Variants in HSD17B4 observed in about 807,000 individuals in gnomAD.
HSD17B4 encodes peroxisomal multifunctional enzyme type 2.
A neutral mutation model predicts 101.0 loss-of-function variants in HSD17B4; 70 were observed. That is an observed-to-expected ratio of 0.69 (90% CI 0.57 to 0.85). The LOEUF (loss-of-function observed/expected upper bound fraction) is 0.85. Among genes scored for constraint, HSD17B4 ranks in the 40% least tolerant of loss-of-function variants. HSD17B4 has a pLI of 0.00. For synonymous variants in HSD17B4, 347 were observed against 297.1 expected, an observed-to-expected ratio of 1.17 and a Z score of -1.73; for missense variants, 984 against 892.4, an observed-to-expected ratio of 1.10 and a Z score of -1.31.
At chr5:119,482,110 T>C (rs911058936) in intron 8 of HSD17B4, among the ~76,000 whole-genome samples, 2 of 152,170 alleles carry the variant, frequency 1.3e-5, no homozygotes, top group Non-Finnish European at 2.9e-5. Flanking sequence ...TTATTCTCTT[T>C]TTCTTCTTCT....
rs557877189 is a variant in HSD17B4 at position 119,456,732 on chromosome 5, G to T, written c.112+364G>T. 3.2e-5 allele frequency: 8 copies of T among 247,884 alleles called. No individual in the cohort carries two copies. In the South Asian group the frequency reaches 4.3e-4, roughly 13 times the overall value. The allele number at this position is 247,884 out of a possible 1,614,324, so 15.4% of individuals were successfully genotyped here. On this transcript the variant is annotated intron_variant, in intron 2 of 23. Coordinates refer to ENST00000510025, the MANE Select transcript of HSD17B4 (RefSeq NM_000414.4). ...ACTGCACTCCAATCTGGGTGATGGC[G>T]CAAAAAAAACCCTGTTTCTCACAGA...
intron 20 of HSD17B4, among the ~76,000 whole-genome samples, chr5:119,528,439 G>C (rs73790882): frequency 6.6e-6 from 1 of 152,108 alleles, no homozygotes; most frequent in African/African-American, 2.4e-5. Flanking sequence ...CTGTCCTTCA[G>C]GCTTAAGTTC....
chr5:119,470,860 C>G (rs1363964482), intron 2 of HSD17B4, among the ~76,000 whole-genome samples: 1 of 152,196 alleles, frequency 6.6e-6, no homozygotes, highest in African/African-American at 2.4e-5. Context: ...TGATTTCGCT[C>G]TGGTGATAAT....
chr5:119,505,768 A>C (rs1751588379), intron 14 of HSD17B4, among the ~76,000 whole-genome samples: 1 of 151,550 alleles, frequency 6.6e-6, no homozygotes, highest in Non-Finnish European at 1.5e-5. Context: ...TGCTCTGGGT[A>C]GGAGTTGCAG....
intron 9 of HSD17B4, among the ~76,000 whole-genome samples, chr5:119,491,092 C>T (rs1750062294): frequency 6.6e-6 from 1 of 152,110 alleles, no homozygotes; most frequent in Non-Finnish European, 1.5e-5. Context: ...TCTAGAGTGG[C>T]AGATACAAAT....
chr5:119,473,716 G>T (rs1458398676), intron 2 of HSD17B4, among the ~76,000 whole-genome samples, 192 bp from the exon 3 acceptor site: 1 of 152,144 alleles, frequency 6.6e-6, no homozygotes, highest in Non-Finnish European at 1.5e-5. Flanking sequence ...CTTTATGTCT[G>T]TATTCAAAAA....
chr5:119,541,683 A>G (rs1241418320), intron 23 of HSD17B4, among the ~76,000 whole-genome samples: 1 of 152,038 alleles, frequency 6.6e-6, no homozygotes, highest in Non-Finnish European at 1.5e-5. Context: ...AAATTATTGT[A>G]TAGTTTTCTA....
intron 11 of HSD17B4, among the ~76,000 whole-genome samples, chr5:119,495,101 A>G (rs992981236): frequency 1.3e-5 from 2 of 151,538 alleles, no homozygotes; most frequent in South Asian, 2.1e-4. Context: ...AATTTTCATT[A>G]TGCTTATTCT....
At chr5:119,464,409 T>C (rs1755595456) in intron 2 of HSD17B4, among the ~76,000 whole-genome samples, 1 of 152,224 alleles carries the variant, frequency 6.6e-6, no homozygotes. Context: ...TGCATATGGA[T>C]ATCCAGTTTT....
chr5:119,509,083 A>G, intron 15 of HSD17B4, 58 bp from the exon 16 acceptor site: 2 of 915,734 alleles, frequency 2.2e-6, no homozygotes, highest in Non-Finnish European at 3.6e-6. Flanking sequence ...TATCTTGGTT[A>G]ACTAGTTATG....
chr5:119,513,295 A>T (rs1270536312), intron 16 of HSD17B4, among the ~76,000 whole-genome samples: 3 of 152,244 alleles, frequency 2.0e-5, no homozygotes, highest in East Asian at 1.9e-4. Context: ...TTATTTTAGA[A>T]AGGGTAAAAT....
At chr5:119,503,076 T>TTGTGTGTGTGTGTGTGTGTGTGTG (rs759039800) in intron 14 of HSD17B4, among the ~76,000 whole-genome samples, 6 of 140,530 alleles carry the variant, frequency 4.3e-5, no homozygotes, top group East Asian at 2.2e-4. Context: ...ACCTTGGAAA[T>TTGTGTGTGTGTGTGTGTGTGTGTG]TGTGTGTGTG....
intron 20 of HSD17B4, among the ~76,000 whole-genome samples, chr5:119,528,373 A>T (rs11952687): frequency 0.027 from 4,131 of 152,196 alleles, 180 homozygotes; most frequent in African/African-American, 0.091. Flanking sequence ...GCTGGTTGCA[A>T]TATCATTTTC....
At chr5:119,453,865 C>A (rs1454420929) in intron 1 of HSD17B4, among the ~76,000 whole-genome samples, 2 of 152,184 alleles carry the variant, frequency 1.3e-5, no homozygotes, top group African/African-American at 4.8e-5. Flanking sequence ...TATTTTACAA[C>A]GCTTGGTGTT....
intron 2 of HSD17B4, among the ~76,000 whole-genome samples, chr5:119,463,048 T>C (rs913369453): frequency 1.3e-5 from 2 of 152,232 alleles, no homozygotes; most frequent in Non-Finnish European, 2.9e-5. Context: ...AGTATTATAC[T>C]CTGTACTTCT....
intron 2 of HSD17B4, among the ~76,000 whole-genome samples, chr5:119,465,629 C>T (rs550340950): frequency 6.6e-6 from 1 of 152,306 alleles, no homozygotes; most frequent in African/African-American, 2.4e-5. Context: ...AGTAGCCTGA[C>T]ACATTGGTGT....
In HSD17B4 at chr5:119,526,030, G is replaced by A. The variant is rs760053447; in HGVS notation, c.1680+7G>A. The A allele has an allele frequency of 5.7e-6, 8 of 1,400,616 alleles. No individual in the cohort carries two copies. Among genetic ancestry groups the A allele is most frequent in the Non-Finnish European group, 6.1e-6 (6 of 984,914 alleles). The allele number at this position is 1,400,616 out of a possible 1,614,324, so 86.8% of individuals were successfully genotyped here. On this transcript the variant is annotated splice_region_variant and intron_variant, in intron 19 of 23. Coordinates refer to ENST00000510025, the MANE Select transcript of HSD17B4 (RefSeq NM_000414.4). ...AAGATTCAAGGCAATTAAGGTAAAT[G>A]TGTATTACTACGTAATTTGAATATT...
intron 10 of HSD17B4, 132 bp from the exon 11 acceptor site, chr5:119,493,686 A>G: frequency 1.2e-6 from 1 of 807,188 alleles, no homozygotes. Flanking sequence ...GGCTTATGGT[A>G]AAACTCTTTA....
Position 119,475,834 on chromosome 5 carries a change from G to A in HSD17B4, c.313G>A (p.Asp105Asn). 1 of 1,604,134 alleles carries A rather than the reference G, an allele frequency of 6.2e-7. No homozygotes were observed. The highest frequency in any genetic ancestry group is 8.5e-7 in the Non-Finnish European group (1 of 1,171,328). The change falls in exon 6 of 24, where the codon GAT becomes AAT. Residue 105 changes from aspartate to asparagine, a missense_variant. Asp to Asn is a conservative substitution (Grantham distance 23). Coordinates refer to ENST00000510025, the MANE Select transcript of HSD17B4 (RefSeq NM_000414.4). ...ACATTGATTTTTTAGAATTCTGAGG[G>A]ATCGTTCCTTTGCTAGGATAAGTGA... ...VVVNNAGILR[D>N]RSFARISDED...
Sources: gnomAD v4.1 joint callset for allele counts (sites outside exome capture counted in the v4.1 genomes callset) on GRCh38, gnomAD v4.1.1 for gene constraint, MANE v1.5 for transcripts, NCBI Gene and HGNC (gene_info 2026-07-23, HGNC 2026-07-21) for gene names.